The following TCF7L1 variants were observed in gnomAD, a reference collection of about 807,000 sequenced individuals.
TCF7L1 encodes the protein transcription factor 7-like 1.
Under a neutral mutation model 63.7 loss-of-function variants are expected in TCF7L1, and 18 were observed. The ratio of observed to expected loss-of-function variants is 0.28; its 90% confidence interval spans 0.20 to 0.42. The LOEUF (loss-of-function observed/expected upper bound fraction) is 0.42, where lower values mean the gene tolerates loss of function less well. Among genes scored for constraint, TCF7L1 ranks in the 10% least tolerant of loss-of-function variants. The pLI is 1.00. For missense variants in TCF7L1, 654 were observed against 779.3 expected (o/e 0.84, Z 1.91); for synonymous variants, 355 against 340.9 (o/e 1.04, Z -0.46).
At chr2:85,184,942 A>T (rs997555411) in intron 3 of TCF7L1, among the ~76,000 whole-genome samples, 6 of 152,146 alleles carry the variant, frequency 3.9e-5, no homozygotes, top group Admixed American at 3.3e-4. Flanking sequence ...TTTGTTTCTG[A>T]CTGAAACAAG....
At chr2:85,179,544 T>G (rs1678752421) in intron 3 of TCF7L1, among the ~76,000 whole-genome samples, 1 of 152,148 alleles carries the variant, frequency 6.6e-6, no homozygotes, top group Non-Finnish European at 1.5e-5. Flanking sequence ...CCTAACATAA[T>G]CCACTACATG....
At chr2:85,210,821 G>C (rs1679523265) in intron 3 of TCF7L1, among the ~76,000 whole-genome samples, 1 of 152,186 alleles carries the variant, frequency 6.6e-6, no homozygotes, top group Non-Finnish European at 1.5e-5. Context: ...CTGTGAGGTG[G>C]CGATTTCGGT....
At chr2:85,206,002 A>T (rs977146564) in intron 3 of TCF7L1, among the ~76,000 whole-genome samples, 16 of 152,242 alleles carry the variant, frequency 1.1e-4, no homozygotes, top group African/African-American at 3.6e-4. Flanking sequence ...CCAAGAACAG[A>T]TTGGCAGTCC....
rs1395959862 is a variant in TCF7L1 at position 85,134,690 on chromosome 2, T to TG, written c.441+243dup. ...GGGTTGAGGTTTTGGAGTCCACCTC[T>TG]GGGATCTTCCTTGGCCTCCAGAATT... On this transcript the variant is annotated intron_variant, in intron 3 of 11. Transcript: ENST00000282111. This position sits in a 1 kb window ranked among gnomAD's most constrained non-coding sequence, Gnocchi z 5.0. 6.6e-6 allele frequency among the ~76,000 whole-genome samples: 1 copy of TG among 152,230 alleles called. No individual in the cohort carries two copies. The highest frequency in any genetic ancestry group is 2.4e-5 in the African/African-American group (1 of 41,468).
intron 3 of TCF7L1, chr2:85,167,497 C>G (rs1208775271): frequency 6.6e-6 from 1 of 152,204 alleles, no homozygotes; most frequent in East Asian, 1.9e-4. Context: ...CAGAAACAAC[C>G]TGAGTATCCG....
In TCF7L1 at chr2:85,226,293, A is replaced by T. The variant is rs1230347851; in HGVS notation, c.442-57202A>T. 2.6e-5 allele frequency among the ~76,000 whole-genome samples: 4 copies of T among 152,302 alleles called. No homozygotes were observed. In the East Asian group the frequency reaches 7.7e-4, roughly 29 times the overall value. On this transcript the variant is annotated intron_variant, in intron 3 of 11. Coordinates refer to ENST00000282111, the MANE Select transcript of TCF7L1 (RefSeq NM_031283.3). The stretch of plus-strand genomic sequence containing the variant: ...TATCAGGATGATGCTGGCCTCATAA[A>T]ATGAGTTAGGGAGGATTTCTTCTTT...
chr2:85,249,305 C>T (rs1680538438), intron 3 of TCF7L1, among the ~76,000 whole-genome samples: 1 of 152,214 alleles, frequency 6.6e-6, no homozygotes, highest in African/African-American at 2.4e-5. Flanking sequence ...CTGGTGTGGG[C>T]CCCGATTCTC....
chr2:85,283,627 C>T (rs374245691), intron 4 of TCF7L1, 49 bp downstream of exon 4: 13 of 1,565,674 alleles, frequency 8.3e-6, no homozygotes, highest in African/African-American at 4.1e-5. Context: ...TTAGTGGCCT[C>T]ATCCCATGCC....
At chr2:85,298,928 T>C (rs889495955) in intron 4 of TCF7L1, among the ~76,000 whole-genome samples, 1 of 151,930 alleles carries the variant, frequency 6.6e-6, no homozygotes, top group African/African-American at 2.4e-5. Context: ...CCGCCTTCCC[T>C]CCCGGTTCAT....
At chr2:85,209,681 G>A (rs576383301) in intron 3 of TCF7L1, among the ~76,000 whole-genome samples, 8 of 152,244 alleles carry the variant, frequency 5.3e-5, no homozygotes, top group Admixed American at 2.6e-4. Flanking sequence ...ATTCCAAAGC[G>A]CAGAAGGTGC....
intron 3 of TCF7L1, chr2:85,217,183 A>G (rs1289705049): frequency 1.3e-5 from 2 of 152,178 alleles, no homozygotes; most frequent in African/African-American, 4.8e-5. Flanking sequence ...CATTGTGGCC[A>G]TTTTCACTCC....
intron 3 of TCF7L1, among the ~76,000 whole-genome samples, chr2:85,179,451 TG>T (rs1678750128): frequency 6.6e-6 from 1 of 152,250 alleles, no homozygotes. Flanking sequence ...CAGATGCTGC[TG>T]GTCCCAGATG....
chr2:85,262,221 T>C (rs965358011), intron 3 of TCF7L1: 1 of 551,388 alleles, frequency 1.8e-6, no homozygotes. Context: ...GAGCCACACC[T>C]GAATCTGCGA....
At chr2:85,172,919 G>C (rs1006630478) in intron 3 of TCF7L1, among the ~76,000 whole-genome samples, 3 of 152,126 alleles carry the variant, frequency 2.0e-5, no homozygotes, top group African/African-American at 7.2e-5. Context: ...GCCATCATTG[G>C]TCATTGCCCG....
intron 8 of TCF7L1, 39 bp downstream of exon 8, chr2:85,305,442 A>T: frequency 6.3e-7 from 1 of 1,577,068 alleles, no homozygotes; most frequent in Non-Finnish European, 8.6e-7. Context: ...GGGAGGGTGC[A>T]GGCTGTGGGG....
rs950033046 is a variant in TCF7L1, at chr2:85,134,261, C to G, written c.314-62C>G. Reference sequence around the variant, plus strand: ...GGTCCCCAGCTCCCGCCTCGAGCCCCCTGCCGCGGCGCTGTCAGTCCCGGG... The same window carrying G: ...GGTCCCCAGCTCCCGCCTCGAGCCCGCTGCCGCGGCGCTGTCAGTCCCGGG... On this transcript the variant is annotated intron_variant, in intron 2 of 11. Coordinates refer to ENST00000282111, the MANE Select transcript of TCF7L1 (RefSeq NM_031283.3). The surrounding 1 kb of genome is among the most constrained non-coding windows in gnomAD (Gnocchi z 5.0). 7 of 1,500,514 alleles carry G rather than the reference C, an allele frequency of 4.7e-6. No homozygotes were observed. The African/African-American group carries it at 8.5e-5, about 18-fold the overall frequency. 92.9% of individuals were successfully genotyped at this position (1,500,514 alleles called of 1,614,324 possible).
At chr2:85,252,993 G>A (rs1680631993) in intron 3 of TCF7L1, among the ~76,000 whole-genome samples, 1 of 152,032 alleles carries the variant, frequency 6.6e-6, no homozygotes, top group African/African-American at 2.4e-5. Flanking sequence ...TTAGACCTTC[G>A]CCACTCCCAA....
chr2:85,282,618 T>A (rs561770876), intron 3 of TCF7L1, among the ~76,000 whole-genome samples: 1 of 152,174 alleles, frequency 6.6e-6, no homozygotes, highest in South Asian at 2.1e-4. Flanking sequence ...CTCAGAGTTG[T>A]TAATCACTCA....
intron 3 of TCF7L1, among the ~76,000 whole-genome samples, chr2:85,270,320 TTA>T (rs374317402): frequency 6.6e-6 from 1 of 152,204 alleles, no homozygotes; most frequent in African/African-American, 2.4e-5. Flanking sequence ...TTTCTGCAAA[TTA>T]TGACTGTTTT....
Sources: gnomAD v4.1 joint callset for allele counts (sites outside exome capture counted in the v4.1 genomes callset) on GRCh38, gnomAD v4.1.1 for gene constraint, Gnocchi (gnomAD v3.1) non-coding constraint, MANE v1.5 for transcripts, NCBI Gene and HGNC (gene_info 2026-07-23, HGNC 2026-07-21) for gene names.